WDR27: variants seen among roughly 807,000 people sequenced by gnomAD.
WDR27 encodes WD repeat domain 27, also known as WD repeat-containing protein 27.
Under a neutral mutation model 114.4 loss-of-function variants are expected in WDR27, and 100 were observed. That is an observed-to-expected ratio of 0.87 (90% confidence interval 0.74 to 1.03). The LOEUF is 1.03. WDR27 is among the 50% of genes least tolerant of loss of function. WDR27 has a pLI of 0.00. For synonymous variants in WDR27, 449 were observed against 423.1 expected, an observed-to-expected ratio of 1.06 and a Z score of -0.75; for missense variants, 1,129 against 1,092.9, an observed-to-expected ratio of 1.03 and a Z score of -0.47.
intron 24 of WDR27, among the ~76,000 whole-genome samples, chr6:169,573,431 G>C (rs546620803): frequency 1.3e-5 from 2 of 152,228 alleles, no homozygotes; most frequent in South Asian, 2.1e-4. Context: ...ACTTATAGAT[G>C]GATTATTTTT....
intron 25 of WDR27, among the ~76,000 whole-genome samples, chr6:169,506,780 T>C (rs1792048720): frequency 1.3e-5 from 2 of 152,234 alleles, no homozygotes; most frequent in Non-Finnish European, 2.9e-5. Flanking sequence ...TAGTTATAAC[T>C]TGGGACACAT....
chr6:169,460,145 T>A (rs538570814), intron 25 of WDR27, among the ~76,000 whole-genome samples: 1 of 152,324 alleles, frequency 6.6e-6, no homozygotes, highest in East Asian at 1.9e-4. Context: ...AAAAAACTAT[T>A]AGTCTAAAAG....
At chr6:169,649,418 C>T (rs933111037) in intron 14 of WDR27, 143 bp from the exon 15 acceptor site, 3 of 669,986 alleles carry the variant, frequency 4.5e-6, no homozygotes, top group Non-Finnish European at 7.7e-6. Flanking sequence ...CACCTGTCCT[C>T]CAGCCCTTAA....
rs181292992 is a variant in WDR27 at position 169,562,427 on chromosome 6, T to A, written c.2645+9992A>T. ...ATCAATGACAAAAATCAAAAGAGAATTTCAAAAGTATTTTGAACTAAATGA... is the reference window on the plus strand; with the variant it reads ...ATCAATGACAAAAATCAAAAGAGAAATTCAAAAGTATTTTGAACTAAATGA... On this transcript the variant is annotated intron_variant, in intron 25 of 25. Transcript: ENST00000448612. 2.7e-3 allele frequency among the ~76,000 whole-genome samples: 410 copies of A among 152,326 alleles called. 1 individual carries two copies. Among genetic ancestry groups the A allele is most frequent in the African/African-American group, 9.5e-3 (395 of 41,570 alleles).
chr6:169,681,962 G>T (rs949713580), intron 2 of WDR27, among the ~76,000 whole-genome samples: 1 of 152,024 alleles, frequency 6.6e-6, no homozygotes, highest in Non-Finnish European at 1.5e-5. Flanking sequence ...TCATAAGGGG[G>T]CCCAGTCCCA....
intron 1 of WDR27, among the ~76,000 whole-genome samples, chr6:169,692,726 A>G (rs552156110): frequency 1.3e-5 from 2 of 151,770 alleles, no homozygotes; most frequent in African/African-American, 4.8e-5. Context: ...CTGGAACATA[A>G]CTCCATTGGC....
chr6:169,686,707 A>G (rs1012428912), intron 2 of WDR27, among the ~76,000 whole-genome samples: 2 of 152,212 alleles, frequency 1.3e-5, no homozygotes, highest in Non-Finnish European at 2.9e-5. Context: ...TTATTGCAGC[A>G]CTATCACAAC....
chr6:169,637,834 T>C (rs1562772620), intron 18 of WDR27, among the ~76,000 whole-genome samples: 1 of 151,928 alleles, frequency 6.6e-6, no homozygotes, highest in Non-Finnish European at 1.5e-5. Context: ...TGTGCGTATG[T>C]GTATGCATCT....
chr6:169,673,439 T>TAC (rs1036706278), intron 2 of WDR27, among the ~76,000 whole-genome samples: 7 of 151,850 alleles, frequency 4.6e-5, no homozygotes, highest in African/African-American at 1.7e-4. Context: ...TATATATATA[T>TAC]ACAAACACAC....
At chr6:169,475,381 C>A (rs2115352353) in intron 25 of WDR27, among the ~76,000 whole-genome samples, 1 of 152,210 alleles carries the variant, frequency 6.6e-6, no homozygotes, top group South Asian at 2.1e-4. Flanking sequence ...TCCCACCATA[C>A]CTGGCTAATT....
chr6:169,549,555 A>G (rs1797844306), intron 25 of WDR27, among the ~76,000 whole-genome samples: 1 of 152,224 alleles, frequency 6.6e-6, no homozygotes, highest in Non-Finnish European at 1.5e-5. Flanking sequence ...ATTGTTCATC[A>G]CACAAAAATT....
intron 1 of WDR27, among the ~76,000 whole-genome samples, chr6:169,699,346 C>A (rs1787190718): frequency 6.6e-6 from 1 of 152,124 alleles, no homozygotes; most frequent in South Asian, 2.1e-4. Context: ...CCCACTCAAG[C>A]CTTTGTTCCA....
At chr6:169,655,623 G>T (rs1428161468) in intron 13 of WDR27, among the ~76,000 whole-genome samples, 2 of 152,254 alleles carry the variant, frequency 1.3e-5, no homozygotes, top group Non-Finnish European at 2.9e-5. Context: ...TCATTGTGAT[G>T]AAAGACTTCT....
chr6:169,544,816 A>G (rs1797251814), intron 25 of WDR27, among the ~76,000 whole-genome samples: 1 of 152,216 alleles, frequency 6.6e-6, no homozygotes, highest in African/African-American at 2.4e-5. Flanking sequence ...CATTCATTCT[A>G]AAGAAAATTA....
rs111772659 is a variant in WDR27 at position 169,620,412 on chromosome 6, G to A, written c.2224-6756C>T. Reference sequence around the variant, plus strand: ...AGTCAGAACTCAAAGACATCCCTCCGAGGCTTCCCTGAAACAAATGCGTAT... The same window carrying A: ...AGTCAGAACTCAAAGACATCCCTCCAAGGCTTCCCTGAAACAAATGCGTAT... On this transcript the variant is annotated intron_variant, in intron 21 of 25. Transcript: ENST00000448612. Among the ~76,000 whole-genome samples, 353 of 152,214 alleles carry A rather than the reference G, an allele frequency of 2.3e-3. 1 individual carries two copies. Among genetic ancestry groups the A allele is most frequent in the African/African-American group, 8.2e-3 (339 of 41,534 alleles).
the WDR27 span, among the ~76,000 whole-genome samples, chr6:169,448,392 A>ATGTGTGTGTGTGTG: frequency 3.8e-5 from 5 of 132,046 alleles, no homozygotes; most frequent in South Asian, 5.1e-4. Context: ...CTCTGTCTCT[A>ATGTGTGTGTGTGTG]TGTGTGTGTG....
intron 25 of WDR27, among the ~76,000 whole-genome samples, chr6:169,567,749 C>A (rs1245055358): frequency 1.3e-5 from 2 of 152,148 alleles, no homozygotes; most frequent in African/African-American, 2.4e-5. Flanking sequence ...TTAGAAGAGG[C>A]AAAACCCAGG....
intron 25 of WDR27, among the ~76,000 whole-genome samples, chr6:169,475,829 T>C (rs930846278): frequency 6.6e-6 from 1 of 152,242 alleles, no homozygotes; most frequent in Non-Finnish European, 1.5e-5. Context: ...AAGCATTTTT[T>C]TAATTCTCTA....
chr6:169,456,092 G>T (rs762785371), downstream of WDR27, among the ~76,000 whole-genome samples: 225 of 152,152 alleles, frequency 1.5e-3, 3 homozygotes, highest in Admixed American at 6.9e-3. The surrounding 1 kb of genome is among the most constrained non-coding windows in gnomAD (Gnocchi z 4.0). Flanking sequence ...TTCTACATCT[G>T]CTTTATTTAT....
Sources: allele counts gnomAD v4.1 joint callset (sites outside exome capture counted in the v4.1 genomes callset), GRCh38; gene constraint gnomAD v4.1.1; non-coding constraint Gnocchi (gnomAD v3.1); transcripts MANE v1.5; gene names NCBI Gene and HGNC (gene_info 2026-07-23, HGNC 2026-07-21).